Variants in TGFB3 observed in about 807,000 individuals in gnomAD.
TGFB3 encodes the protein transforming growth factor beta-3 proprotein.
Under a neutral mutation model 40.1 loss-of-function variants are expected in TGFB3, and 5 were observed. That is an observed-to-expected ratio of 0.12 (90% CI 0.07 to 0.26). TGFB3 has a LOEUF of 0.26. Ranked by LOEUF, TGFB3 falls within the 10% of genes least tolerant of loss-of-function variation. The pLI, the probability that TGFB3 is intolerant of heterozygous loss-of-function variation, is 1.00. For synonymous variants in TGFB3, 184 were observed against 205.6 expected (o/e 0.89, Z 0.90); for missense variants, 373 against 530.1 (o/e 0.70, Z 2.91).
At chr14:75,976,985 T>G (rs2035361163) in intron 1 of TGFB3, among the ~76,000 whole-genome samples, 3 of 152,058 alleles carry the variant, frequency 2.0e-5, no homozygotes, top group Non-Finnish European at 2.9e-5. Context: ...TCTATAAGGG[T>G]GGGTGGGACC....
chr14:75,958,681 A>T lies in TGFB3; in HGVS notation c.*506T>A, dbSNP rs2035116023. ...AGACAGTATGAGATACAATTCTGGG[A>T]CTTTGTCTTCGTAACCTGTCTTTAA... On this transcript the variant is annotated 3_prime_UTR_variant, in exon 7 of 7. Transcript: ENST00000238682. The T allele has an allele frequency of 4.7e-6, 1 of 210,932 alleles. No individual in the cohort carries two copies. Among genetic ancestry groups the T allele is most frequent in the Non-Finnish European group, 9.6e-6 (1 of 104,626 alleles). The allele number at this position is 210,932 out of a possible 1,614,324, so 13.1% of individuals were successfully genotyped here.
intron 4 of TGFB3, among the ~76,000 whole-genome samples, chr14:75,964,696 C>G (rs2035201123): frequency 6.6e-6 from 1 of 152,126 alleles, no homozygotes; most frequent in Non-Finnish European, 1.5e-5. Context: ...TCTTTATGAA[C>G]AAGATAAGTA....
At chr14:75,969,693 T>G (rs1261548217) in intron 3 of TGFB3, among the ~76,000 whole-genome samples, 1 of 152,150 alleles carries the variant, frequency 6.6e-6, no homozygotes, top group African/African-American at 2.4e-5. Context: ...TAGCTCTACT[T>G]GCATGACGAC....
At chr14:75,965,946 A>G (rs1413531785) in intron 3 of TGFB3, 1 of 519,298 alleles carries the variant, frequency 1.9e-6, no homozygotes, top group African/African-American at 1.9e-5. Context: ...AGTGGCCATC[A>G]TGAAACAGAA....
At chr14:75,959,462 G>T in intron 6 of TGFB3, 117 bp from the exon 7 acceptor site, 1 of 1,266,062 alleles carries the variant, frequency 7.9e-7, no homozygotes, top group Non-Finnish European at 1.1e-6. Flanking sequence ...AATGGCCACG[G>T]GTGCTCTTTA....
chr14:75,965,499 T>C, intron 4 of TGFB3, 89 bp downstream of exon 4: 1 of 1,144,062 alleles, frequency 8.7e-7, no homozygotes, highest in Non-Finnish European at 1.3e-6. Flanking sequence ...GTTTCTTTTC[T>C]TGAGGTCTGG....
At chr14:75,962,255 CTAACTGATTCGTTCCTAACTGA>C (rs1198391434) in intron 5 of TGFB3, among the ~76,000 whole-genome samples, 23 of 152,178 alleles carry the variant, frequency 1.5e-4, no homozygotes, top group Non-Finnish European at 3.1e-4. Flanking sequence ...TCATTCGTTC[CTAACTGATTCGTTCCTAACTGA>C]TAACTGATTC....
chr14:75,972,051 T>A (rs2035300726), intron 1 of TGFB3, among the ~76,000 whole-genome samples: 1 of 152,250 alleles, frequency 6.6e-6, no homozygotes, highest in South Asian at 2.1e-4. Flanking sequence ...AAATACTGAT[T>A]CTAGAAAGAT....
chr14:75,975,679 G>A (rs1296433077), intron 1 of TGFB3, among the ~76,000 whole-genome samples: 1 of 152,216 alleles, frequency 6.6e-6, no homozygotes, highest in Non-Finnish European at 1.5e-5. Context: ...CTAGAAGGTG[G>A]TGGAGGTGGG....
intron 4 of TGFB3, 92 bp downstream of exon 4, chr14:75,965,496 T>C: frequency 8.9e-7 from 1 of 1,123,316 alleles, no homozygotes; most frequent in South Asian, 1.2e-5. Context: ...TTGGTTTCTT[T>C]TCTTGAGGTC....
At position 75,973,238 on chromosome 14, in the gene TGFB3, G is replaced by A. The variant is rs545993284; in HGVS notation, c.353-1520C>T. On this transcript the variant is annotated intron_variant, in intron 1 of 6. Coordinates refer to ENST00000238682, the MANE Select transcript of TGFB3 (RefSeq NM_003239.5). ...CTTATAATCACCCCGAGGGGTTGTT[G>A]AGGAAGTCACAGACAAGGCAGGAAG... Among the ~76,000 whole-genome samples, 3 of 152,332 alleles carry A rather than the reference G, an allele frequency of 2.0e-5. No homozygotes were observed. The South Asian group carries it at 6.2e-4, about 32-fold the overall frequency.
At position 75,971,971 on chromosome 14, in the gene TGFB3, C is replaced by G. The variant is rs142671588; in HGVS notation, c.353-253G>C. Among the ~76,000 whole-genome samples, 16 of 152,346 alleles carry G rather than the reference C, an allele frequency of 1.1e-4. No individual in the cohort carries two copies. Among genetic ancestry groups the G allele is most frequent in the Non-Finnish European group, 2.1e-4 (14 of 68,026 alleles). ...AGACTGGCCAGTCAAATCTAATTGCCCCCTCCTCCCACTGCCTTGACATCT... is the reference window on the plus strand; with the variant it reads ...AGACTGGCCAGTCAAATCTAATTGCGCCCTCCTCCCACTGCCTTGACATCT... On this transcript the variant is annotated intron_variant, in intron 1 of 6. Coordinates refer to ENST00000238682, the MANE Select transcript of TGFB3 (RefSeq NM_003239.5). The surrounding 1 kb of genome is among the most constrained non-coding windows in gnomAD (Gnocchi z 4.5).
intron 1 of TGFB3, among the ~76,000 whole-genome samples, chr14:75,977,475 T>C (rs2035367535): frequency 6.6e-6 from 1 of 152,162 alleles, no homozygotes; most frequent in Admixed American, 6.5e-5. Flanking sequence ...AATTATAAAA[T>C]TCTTTCAGCT....
Position 75,963,506 on chromosome 14 carries a change from G to A in TGFB3, c.755-19C>T. ...TCCACGCCTGAAGAAGGGAAGGAAA[G>A]TGACAATCTCCTGTCTGAAGAGAGC... On this transcript the variant is annotated intron_variant, in intron 4 of 6. Transcript: ENST00000238682. 3 of 1,614,024 alleles carry A rather than the reference G, an allele frequency of 1.9e-6. No individual in the cohort carries two copies. The highest frequency in any genetic ancestry group is 1.7e-6 in the Non-Finnish European group (2 of 1,180,018).
chr14:75,976,200 G>A (rs181427076), intron 1 of TGFB3, among the ~76,000 whole-genome samples: 9 of 152,264 alleles, frequency 5.9e-5, no homozygotes, highest in Non-Finnish European at 1.5e-5. Context: ...TTATCAGTGT[G>A]GCTGTACTTC....
At chr14:75,974,594 G>A (rs11466425) in intron 1 of TGFB3, among the ~76,000 whole-genome samples, 174 of 151,610 alleles carry the variant, frequency 1.1e-3, no homozygotes, top group Admixed American at 2.0e-3. Flanking sequence ...GTGAAACCCC[G>A]TCTCTACTAA....
At chr14:75,968,890 G>A (rs955656590) in intron 3 of TGFB3, among the ~76,000 whole-genome samples, 17 of 152,176 alleles carry the variant, frequency 1.1e-4, no homozygotes, top group African/African-American at 3.1e-4. Context: ...GGCAGGTCAC[G>A]TAAGTGAGAA....
intron 5 of TGFB3, chr14:75,962,932 G>C (rs1474100277): frequency 2.9e-6 from 1 of 347,494 alleles, no homozygotes; most frequent in Non-Finnish European, 5.5e-6. Context: ...GGAACTAACT[G>C]AGCACTTCTT....
At chr14:75,973,303 T>G (rs1340633896) in intron 1 of TGFB3, among the ~76,000 whole-genome samples, 1 of 152,236 alleles carries the variant, frequency 6.6e-6, no homozygotes, top group Admixed American at 6.5e-5. Context: ...CTACTGATCT[T>G]CAGGAAAGGA....
Sources: gnomAD v4.1 joint callset for allele counts (sites outside exome capture counted in the v4.1 genomes callset) on GRCh38, gnomAD v4.1.1 for gene constraint, Gnocchi (gnomAD v3.1) non-coding constraint, MANE v1.5 for transcripts, NCBI Gene and HGNC (gene_info 2026-07-23, HGNC 2026-07-21) for gene names.